The following LRCH4 variants were observed in gnomAD, a reference collection of about 807,000 sequenced individuals.
The protein encoded by LRCH4 is leucine-rich repeat and calponin homology domain-containing protein 4.
A neutral mutation model predicts 81.2 loss-of-function variants in LRCH4; 56 were observed. The ratio of observed to expected loss-of-function variants is 0.69; its 90% CI spans 0.56 to 0.86. The LOEUF is 0.86. Ranked by LOEUF, LRCH4 falls within the 40% of genes least tolerant of loss-of-function variation. The pLI is 0.00. For synonymous variants in LRCH4, 442 were observed against 409.7 expected (o/e 1.08, Z -0.95); for missense variants, 895 against 922.8 (o/e 0.97, Z 0.39).
chr7:100,577,017 C>T lies in LRCH4; in HGVS notation c.1365-12G>A, dbSNP rs773620187. 1.2e-5 allele frequency: 20 copies of T among 1,613,586 alleles called. 1 individual carries two copies. The South Asian group carries it at 2.1e-4, about 17-fold the overall frequency. ...ACTTAGGCGAGCCGCTGAGGAGAGA[C>T]AGAAGGGAATTAGAGGGATGATGGT... is the stretch of plus-strand genomic sequence containing the variant. On this transcript the variant is annotated splice_polypyrimidine_tract_variant and intron_variant, in intron 12 of 17. Coordinates refer to ENST00000310300, the MANE Select transcript of LRCH4 (RefSeq NM_002319.5). The surrounding 1 kb of genome is among the most constrained non-coding windows in gnomAD (Gnocchi z 6.7).
At position 100,576,787 on chromosome 7, in the gene LRCH4, GA is replaced by G. The variant is rs1324840873; in HGVS notation, c.1469-11del. ...GGAGCAGGTGCTGTCGCTGGGGCCG[GA>G]ACCAGGGACACAGCGACAGGGGCAG... On this transcript the variant is annotated splice_polypyrimidine_tract_variant and intron_variant, in intron 13 of 17. Transcript: ENST00000310300. The G allele has an allele frequency of 1.3e-6, 2 of 1,581,478 alleles. No individual in the cohort carries two copies. The highest frequency in any genetic ancestry group is 2.3e-5 in the South Asian group (2 of 86,978).
In LRCH4 at chr7:100,575,455, AGTGCAGGGCAGGGCAT is replaced by A; in HGVS notation, c.1855-167_1855-152del. ...GGCAGGGGGAGTGCAGTGCAGGAGG[AGTGCAGGGCAGGGCAT>A]GTGCAGGACAGGTGACATGCAGGAC... On this transcript the variant is annotated intron_variant, in intron 17 of 17. Coordinates refer to ENST00000310300, the MANE Select transcript of LRCH4 (RefSeq NM_002319.5). The surrounding 1 kb of genome is among the most constrained non-coding windows in gnomAD (Gnocchi z 5.3). The A allele has an allele frequency of 1.2e-6, 1 of 847,448 alleles. No individual in the cohort carries two copies. The highest frequency in any genetic ancestry group is 1.4e-5 in the South Asian group (1 of 70,466). 52.5% of individuals were successfully genotyped at this position (847,448 alleles called of 1,614,324 possible). A position where few individuals can be genotyped will look rare whatever the true frequency, so the allele number is the denominator to read the frequency against.
chr7:100,580,731 T>TACACAC (rs781071522), intron 4 of LRCH4: 1 of 138,306 alleles, frequency 7.2e-6, no homozygotes, highest in Non-Finnish European at 1.6e-5. Context: ...CACACAAACA[T>TACACAC]ACACACGCAC....
In LRCH4 at chr7:100,581,913, A is replaced by G. The variant is rs750706648; in HGVS notation, c.493-31T>C. 2.5e-6 allele frequency: 4 copies of G among 1,611,210 alleles called. No individual in the cohort carries two copies. In the Admixed American group the frequency reaches 5.0e-5, roughly 20 times the overall value. On this transcript the variant is annotated intron_variant, in intron 3 of 17. Transcript: ENST00000310300. Reference sequence around the variant, plus strand: ...ATCAGGAAGGCAGTGGGAAGGGGCCATGAGACCAGGCCCAGCAGAACCCAC... The same window carrying G: ...ATCAGGAAGGCAGTGGGAAGGGGCCGTGAGACCAGGCCCAGCAGAACCCAC...
chr7:100,586,025 G>A lies in LRCH4; in HGVS notation c.76C>T (p.Pro26Ser), dbSNP rs1225889952. The change falls in exon 1 of 18, where the codon CCA (proline) becomes TCA (serine). Residue 26 changes from proline (P) to serine (S), a missense_variant. Pro to Ser is a moderately conservative substitution (Grantham distance 74). Around this residue, in one of 3 missense-constraint regions of LRCH4, gnomAD observed 360 missense variants for 397.0 expected, o/e 0.91. Coordinates refer to ENST00000310300, the MANE Select transcript of LRCH4 (RefSeq NM_002319.5). ...GCACTGCGTCTCCCCGGCAGACCTGGAGACCCGGGCACGGAGGTCGTGGCT... is the reference window on the plus strand; with the variant it reads ...GCACTGCGTCTCCCCGGCAGACCTGAAGACCCGGGCACGGAGGTCGTGGCT... Reference protein sequence around the residue: ...AAATTSVPGSPGLPGRRSAER... With the variant: ...AAATTSVPGSSGLPGRRSAER... 2 of 1,603,736 alleles carry A rather than the reference G, an allele frequency of 1.2e-6. No individual in the cohort carries two copies. The highest frequency in any genetic ancestry group is 2.2e-5 in the South Asian group (2 of 90,006).
rs769809011 is a variant in LRCH4 at position 100,575,562 on chromosome 7, G to A, written c.1854+143C>T. On this transcript the variant is annotated intron_variant, in intron 17 of 17. Transcript: ENST00000310300. The surrounding 1 kb of genome is among the most constrained non-coding windows in gnomAD (Gnocchi z 5.3). Reference sequence around the variant, plus strand: ...ACATGCAGGGCAGGGGGCATGCAGGGCAGGGGGCATGCTGGGCAGGGCAGG... The same window carrying A: ...ACATGCAGGGCAGGGGGCATGCAGGACAGGGGGCATGCTGGGCAGGGCAGG... 9.7e-7 allele frequency: 1 copy of A among 1,036,032 alleles called. No individual in the cohort carries two copies. Among genetic ancestry groups the A allele is most frequent in the East Asian group, 2.4e-5 (1 of 42,292 alleles). 64.2% of individuals were successfully genotyped at this position (1,036,032 alleles called of 1,614,324 possible). A position where few individuals can be genotyped will look rare whatever the true frequency, so the allele number is the denominator to read the frequency against.
At chr7:100,585,357 G>GCTCTCC (rs1801695759) in intron 1 of LRCH4, 1 of 157,920 alleles carries the variant, frequency 6.3e-6, no homozygotes, top group African/African-American at 2.4e-5. Flanking sequence ...TGCGTGGACA[G>GCTCTCC]TGGAGAGGGC....
rs755018520 is a variant in LRCH4 at position 100,577,793 on chromosome 7, C to A, written c.1039+29G>T. 1.2e-6 allele frequency: 2 copies of A among 1,613,862 alleles called. No homozygotes were observed. The highest frequency in any genetic ancestry group is 2.2e-5 in the South Asian group (2 of 91,064). On this transcript the variant is annotated intron_variant, in intron 8 of 17. Coordinates refer to ENST00000310300, the MANE Select transcript of LRCH4 (RefSeq NM_002319.5). This position sits in a 1 kb window ranked among gnomAD's most constrained non-coding sequence, Gnocchi z 6.7. The stretch of plus-strand genomic sequence containing the variant: ...AGCGGGGACCCAGGCCCTGGTCCAG[C>A]CCAGCTCCCGGCCAGCCCTGCTACT...
In LRCH4 at chr7:100,582,337, C is replaced by T. The variant is rs1562809156; in HGVS notation, c.343G>A (p.Ala115Thr). Reference protein sequence around the residue: ...CLNPALGNLTALTYLNLSRNQ... With the variant: ...CLNPALGNLTTLTYLNLSRNQ... ...TACCTGAGGTTGAGGTAGGTGAGGG[C>T]TGTGAGATTCCCCAAGGCTGGGTTC... Residue 115 changes from alanine to threonine, a missense_variant, in exon 2 of 18, where the codon GCC becomes ACC. Physicochemically the swap from Ala to Thr is moderately conservative, Grantham distance 58. Transcript: ENST00000310300. This position sits in a 1 kb window ranked among gnomAD's most constrained non-coding sequence, Gnocchi z 5.0. The T allele has an allele frequency of 1.9e-6, 3 of 1,614,122 alleles. No individual in the cohort carries two copies. The Admixed American group carries it at 5.0e-5, about 27-fold the overall frequency.
At position 100,581,274 on chromosome 7, in the gene LRCH4, C is replaced by T. The variant is rs115911395; in HGVS notation, c.598+503G>A. 4.2e-3 allele frequency among the ~76,000 whole-genome samples: 641 copies of T among 152,290 alleles called. 8 individuals carry two copies. Among genetic ancestry groups the T allele is most frequent in the African/African-American group, 0.014 (571 of 41,548 alleles). ...TTGCTAGGTCAAGATCAAATCAGATCGTTTACAGTTTGTTTTATATACTGC... is the reference window on the plus strand; with the variant it reads ...TTGCTAGGTCAAGATCAAATCAGATTGTTTACAGTTTGTTTTATATACTGC... On this transcript the variant is annotated intron_variant, in intron 4 of 17. Coordinates refer to ENST00000310300, the MANE Select transcript of LRCH4 (RefSeq NM_002319.5).
Position 100,577,486 on chromosome 7 carries a change from G to C in LRCH4, c.1178+11C>G, listed in dbSNP as rs1402887070. On this transcript the variant is annotated intron_variant, in intron 10 of 17. Coordinates refer to ENST00000310300, the MANE Select transcript of LRCH4 (RefSeq NM_002319.5). This position sits in a 1 kb window ranked among gnomAD's most constrained non-coding sequence, Gnocchi z 6.7. ...ATCGGGCAGTGGCGTCAGTTTGGGG[G>C]CTTGGGGTACCTGCTGCTTGGTGCC... 1.2e-6 allele frequency: 2 copies of C among 1,607,748 alleles called. No homozygotes were observed. The highest frequency in any genetic ancestry group is 2.2e-5 in the South Asian group (2 of 91,088).
At position 100,574,945 on chromosome 7, in the gene LRCH4, G is replaced by A. The variant is rs1801296489; in HGVS notation, c.*162C>T. ...GGAGGCCAGAGGCTGGGGGCCCAGG[G>A]TCTGGGGGCACCAGAGTGGGGCCTC... On this transcript the variant is annotated 3_prime_UTR_variant, in exon 18 of 18. Coordinates refer to ENST00000310300, the MANE Select transcript of LRCH4 (RefSeq NM_002319.5). 1 of 679,668 alleles carries A rather than the reference G, an allele frequency of 1.5e-6. No individual in the cohort carries two copies. The highest frequency in any genetic ancestry group is 2.5e-6 in the Non-Finnish European group (1 of 406,102). 42.1% of individuals were successfully genotyped at this position (679,668 alleles called of 1,614,324 possible).
chr7:100,579,563 C>G (rs912351726), intron 4 of LRCH4: 27 of 149,672 alleles, frequency 1.8e-4, no homozygotes, highest in African/African-American at 6.4e-4. Flanking sequence ...CGCCACTGCA[C>G]TCCAGCCTGG....
intron 14 of LRCH4, 169 bp from the exon 15 acceptor site, chr7:100,576,492 G>T (rs917371297): frequency 7.5e-6 from 5 of 665,974 alleles, no homozygotes; most frequent in Non-Finnish European, 1.3e-5. Flanking sequence ...TTGAATTCCT[G>T]GGCTCAAGCG....
In LRCH4 at chr7:100,575,859, G is replaced by A; in HGVS notation, c.1776+12C>T. On this transcript the variant is annotated intron_variant, in intron 16 of 17. Coordinates refer to ENST00000310300, the MANE Select transcript of LRCH4 (RefSeq NM_002319.5). The surrounding 1 kb of genome is among the most constrained non-coding windows in gnomAD (Gnocchi z 5.3). Reference sequence around the variant, plus strand: ...CGGCCCATCCCCCACCTCTTCCCCAGCCCCAACTGACCACAGCAGGGGAGG... The same window carrying A: ...CGGCCCATCCCCCACCTCTTCCCCAACCCCAACTGACCACAGCAGGGGAGG... The A allele has an allele frequency of 6.2e-7, 1 of 1,612,764 alleles. No individual in the cohort carries two copies.
intron 1 of LRCH4, among the ~76,000 whole-genome samples, chr7:100,585,659 C>A (rs912954055): frequency 3.9e-5 from 6 of 152,130 alleles, no homozygotes; most frequent in South Asian, 4.1e-4. Flanking sequence ...TCTCTCCCAA[C>A]GCTCGGAGGC....
Position 100,577,744 on chromosome 7 carries a change from G to A in LRCH4, c.1040-4C>T. On this transcript the variant is annotated splice_region_variant and splice_polypyrimidine_tract_variant and intron_variant, in intron 8 of 17. Coordinates refer to ENST00000310300, the MANE Select transcript of LRCH4 (RefSeq NM_002319.5). This position sits in a 1 kb window ranked among gnomAD's most constrained non-coding sequence, Gnocchi z 6.7. Reference sequence around the variant, plus strand: ...ATCTGCACAGGGTCTCCGTCCGCTGGGGAGGCCAGCATGTCAGCAAGTGAG... The same window carrying A: ...ATCTGCACAGGGTCTCCGTCCGCTGAGGAGGCCAGCATGTCAGCAAGTGAG... The A allele has an allele frequency of 6.2e-7, 1 of 1,614,098 alleles. No homozygotes were observed. The highest frequency in any genetic ancestry group is 1.1e-5 in the South Asian group (1 of 91,084).
intron 1 of LRCH4, 76 bp downstream of exon 1, chr7:100,585,805 C>A (rs1159945885): frequency 1.4e-6 from 2 of 1,421,102 alleles, no homozygotes; most frequent in African/African-American, 1.5e-5. Flanking sequence ...GGGCCCGACT[C>A]CCGGGCCGGG....
At chr7:100,580,162 G>A (rs1801483069) in intron 4 of LRCH4, 1 of 152,218 alleles carries the variant, frequency 6.6e-6, no homozygotes, top group South Asian at 2.1e-4. Flanking sequence ...GATGCAGAAG[G>A]CTGGGGAATT....
Sources: gnomAD v4.1 joint callset for allele counts (sites outside exome capture counted in the v4.1 genomes callset) on GRCh38, gnomAD v4.1.1 for gene constraint, gnomAD v4.1.1 regional missense constraint, Gnocchi (gnomAD v3.1) non-coding constraint, MANE v1.5 for transcripts, NCBI Gene and HGNC (gene_info 2026-07-23, HGNC 2026-07-21) for gene names.